ALG9: variants seen among roughly 807,000 people sequenced by gnomAD.
ALG9 encodes alpha-1,2-mannosyltransferase ALG9.
In ALG9, 55 loss-of-function variants were observed where a neutral mutation model predicts 81.8. The observed-to-expected ratio is 0.67, with a 90% CI of 0.54 to 0.84. The LOEUF (loss-of-function observed/expected upper bound fraction) is 0.84, where lower values mean the gene tolerates loss of function less well. ALG9 is among the 40% of genes least tolerant of loss of function. The pLI is 0.00. For missense variants in ALG9, 629 were observed against 745.0 expected (o/e 0.84, Z 1.81); for synonymous variants, 278 against 274.3 (o/e 1.01, Z -0.13).
chr11:111,848,624 T>C (rs1037064544), intron 8 of ALG9, among the ~76,000 whole-genome samples: 30 of 145,020 alleles, frequency 2.1e-4, no homozygotes, highest in Non-Finnish European at 4.2e-4. Context: ...CCAGGAACAA[T>C]AGAAAGGGTA....
the ALG9 span, among the ~76,000 whole-genome samples, chr11:111,769,707 A>G: frequency 1.3e-5 from 2 of 152,170 alleles, no homozygotes; most frequent in African/African-American, 4.8e-5. Context: ...ACTGTTTTCG[A>G]TATTAACTCA....
At chr11:111,870,406 C>T in intron 1 of ALG9, 36 bp from the exon 2 acceptor site, 2 of 1,098,732 alleles carry the variant, frequency 1.8e-6, no homozygotes, top group Admixed American at 3.3e-5. Flanking sequence ...AAAAAAAAAG[C>T]ATGTCAGGAA....
chr11:111,799,768 T>A (rs1555078853), intron 14 of ALG9, among the ~76,000 whole-genome samples: 1 of 152,246 alleles, frequency 6.6e-6, no homozygotes, highest in East Asian at 1.9e-4. Flanking sequence ...AGACTTCTGA[T>A]GTGGATGATA....
chr11:111,808,054 G>C (rs1950185486), intron 14 of ALG9, among the ~76,000 whole-genome samples: 1 of 152,160 alleles, frequency 6.6e-6, no homozygotes, highest in African/African-American at 2.4e-5. Context: ...TCGTGACAGA[G>C]TGAGACTATC....
downstream of ALG9, among the ~76,000 whole-genome samples, chr11:111,781,730 C>T (rs1945951649): frequency 6.6e-6 from 1 of 152,146 alleles, no homozygotes; most frequent in African/African-American, 2.4e-5. Context: ...TCACTGCAAC[C>T]TCCACCTCCC....
intron 13 of ALG9, among the ~76,000 whole-genome samples, chr11:111,833,093 A>T (rs1405871607): frequency 2.0e-5 from 3 of 152,228 alleles, no homozygotes; most frequent in African/African-American, 7.2e-5. Context: ...AATTAAAGTC[A>T]GAAAAAAGTC....
chr11:111,866,229 G>A (rs1333693894), intron 3 of ALG9, among the ~76,000 whole-genome samples: 2 of 152,120 alleles, frequency 1.3e-5, no homozygotes, highest in African/African-American at 2.4e-5. Flanking sequence ...CCTGGGAGTC[G>A]GAGGTTGCAG....
At chr11:111,854,877 A>T (rs1417081385) in intron 6 of ALG9, among the ~76,000 whole-genome samples, 1 of 152,258 alleles carries the variant, frequency 6.6e-6, no homozygotes, top group Non-Finnish European at 1.5e-5. Flanking sequence ...AGCACAAAGC[A>T]TTCAATGAAT....
chr11:111,785,282 G>C lies in ALG9; in HGVS notation c.*1115C>G, dbSNP rs782246582. ...GCCTTGTCTACCACATGTTGTGACT[G>C]TGAGGATCAAACGAGATGCTGTGAA... On this transcript the variant is annotated 3_prime_UTR_variant, in exon 15 of 15. Coordinates refer to ENST00000616540, the MANE Select transcript of ALG9 (RefSeq NM_024740.2). The C allele has an allele frequency of 1.3e-5, 2 of 152,256 alleles. No homozygotes were observed. The highest frequency in any genetic ancestry group is 2.4e-5 in the African/African-American group (1 of 41,458). The allele number at this position is 152,256 out of a possible 1,614,324, so 9.4% of individuals were successfully genotyped here. A position where few individuals can be genotyped will look rare whatever the true frequency, so the allele number is the denominator to read the frequency against.
At position 111,782,961 on chromosome 11, in the gene ALG9, C is replaced by T. The variant is rs964142368; in HGVS notation, c.*3436G>A. 1 of 151,440 alleles carries T rather than the reference C, an allele frequency of 6.6e-6. No homozygotes were observed. Among genetic ancestry groups the T allele is most frequent in the Non-Finnish European group, 1.5e-5 (1 of 68,024 alleles). The allele number at this position is 151,440 out of a possible 1,614,324, so 9.4% of individuals were successfully genotyped here. On this transcript the variant is annotated 3_prime_UTR_variant, in exon 15 of 15. Coordinates refer to ENST00000616540, the MANE Select transcript of ALG9 (RefSeq NM_024740.2). Reference sequence around the variant, plus strand: ...ATCTCAAAAAATTAAAATAACCTGTCTTCTTTCTTATCAGATGACACCTAC... The same window carrying T: ...ATCTCAAAAAATTAAAATAACCTGTTTTCTTTCTTATCAGATGACACCTAC...
At position 111,846,530 on chromosome 11, in the gene ALG9, A is replaced by G. The variant is rs559176664; in HGVS notation, c.896-1807T>C. Among the ~76,000 whole-genome samples, 26 of 152,346 alleles carry G rather than the reference A, an allele frequency of 1.7e-4. No individual in the cohort carries two copies. In the South Asian group the frequency reaches 4.6e-3, roughly 27 times the overall value. ...CTGTACTCTGAGATGAGGAAACAAA[A>G]GTATTAAGCTGGTAAATGCAATCAT... On this transcript the variant is annotated intron_variant, in intron 8 of 14. Coordinates refer to ENST00000616540, the MANE Select transcript of ALG9 (RefSeq NM_024740.2).
At chr11:111,856,679 A>T (rs1467767629) in intron 6 of ALG9, among the ~76,000 whole-genome samples, 1 of 149,548 alleles carries the variant, frequency 6.7e-6, no homozygotes, top group Non-Finnish European at 1.5e-5. Context: ...TAACCTTAGC[A>T]TCAGATTAAA....
At chr11:111,838,183 G>A in intron 11 of ALG9, 66 bp downstream of exon 11, 1 of 1,585,784 alleles carries the variant, frequency 6.3e-7, no homozygotes, top group Non-Finnish European at 8.7e-7. Context: ...ATATAATCAT[G>A]AATCAAGTAA....
chr11:111,771,609 CTG>C, the ALG9 span, among the ~76,000 whole-genome samples: 34 of 152,310 alleles, frequency 2.2e-4, no homozygotes, highest in Non-Finnish European at 3.2e-4. Flanking sequence ...CAGATTCAGA[CTG>C]TTGTCCCCCT....
intron 14 of ALG9, among the ~76,000 whole-genome samples, chr11:111,809,048 T>C (rs1950321832): frequency 6.6e-6 from 1 of 152,224 alleles, no homozygotes; most frequent in African/African-American, 2.4e-5. Context: ...AGTGTCAAAA[T>C]GCTCTCAGTT....
rs782699331 is a variant in ALG9, at chr11:111,836,245, G to A, written c.1522C>T (p.Pro508Ser). 3 of 1,613,934 alleles carry A rather than the reference G, an allele frequency of 1.9e-6. No individual in the cohort carries two copies. The highest frequency in any genetic ancestry group is 1.1e-5 in the South Asian group (1 of 91,082). ...PSEFRGQLPK[P>S]FAEGPLATRI... ...GTGGCCAGAGGTCCTTCTGCAAAAG[G>A]TTTTGGTAACTGACCTCTGAACTCT... The change falls in exon 13 of 15, where the codon CCT (proline) becomes TCT (serine). Residue 508 changes from proline to serine, a missense_variant. Physicochemically the swap from Pro to Ser is moderately conservative, Grantham distance 74. Transcript: ENST00000616540.
At chr11:111,789,888 C>A (rs1458627143) in intron 14 of ALG9, among the ~76,000 whole-genome samples, 1 of 151,018 alleles carries the variant, frequency 6.6e-6, no homozygotes, top group Non-Finnish European at 1.5e-5. Flanking sequence ...GTGGTGATGA[C>A]TATTTTCCTG....
chr11:111,856,970 G>A (rs1287755352), intron 6 of ALG9, among the ~76,000 whole-genome samples: 2 of 152,164 alleles, frequency 1.3e-5, no homozygotes, highest in African/African-American at 4.8e-5. Context: ...AGCCAGGTGT[G>A]GTGGCGCACG....
chr11:111,774,291 G>T, the ALG9 span, among the ~76,000 whole-genome samples: 1 of 152,024 alleles, frequency 6.6e-6, no homozygotes, highest in Non-Finnish European at 1.5e-5. Context: ...CAGGAGAATT[G>T]CTTGAACCCA....
Sources: gnomAD v4.1 joint callset for allele counts (sites outside exome capture counted in the v4.1 genomes callset) on GRCh38, gnomAD v4.1.1 for gene constraint, MANE v1.5 for transcripts, NCBI Gene and HGNC (gene_info 2026-07-23, HGNC 2026-07-21) for gene names.